The following FSIP1 variants were observed in gnomAD, a reference collection of about 807,000 sequenced individuals.
FSIP1 encodes fibrous sheath-interacting protein 1.
Under a neutral mutation model 60.9 loss-of-function variants are expected in FSIP1, and 65 were observed. The observed-to-expected ratio is 1.07, with a 90% CI of 0.87 to 1.31. The LOEUF is 1.31. Among genes scored for constraint, FSIP1 ranks in the 40% most tolerant of loss-of-function variants. The pLI is 0.00. For missense variants in FSIP1, 675 were observed against 665.5 expected (o/e 1.01, Z -0.16); for synonymous variants, 209 against 221.2 (o/e 0.94, Z 0.49).
chr15:39,777,795 A>G (rs764120879), intron 1 of FSIP1, among the ~76,000 whole-genome samples: 3 of 152,170 alleles, frequency 2.0e-5, no homozygotes, highest in Non-Finnish European at 4.4e-5. Context: ...TATACATTCA[A>G]CCATAACAGA....
At chr15:39,731,758 G>C (rs1415805892) in intron 8 of FSIP1, among the ~76,000 whole-genome samples, 1 of 152,140 alleles carries the variant, frequency 6.6e-6, no homozygotes, top group Non-Finnish European at 1.5e-5. Flanking sequence ...CCAGGGTTCA[G>C]GTAGGTAACT....
intron 3 of FSIP1, among the ~76,000 whole-genome samples, chr15:39,765,957 T>C (rs1897671527): frequency 6.6e-6 from 1 of 152,256 alleles, no homozygotes; most frequent in South Asian, 2.1e-4. Context: ...GACATTTATC[T>C]CTATTTTACA....
At chr15:39,725,060 A>G (rs1896136068) in intron 9 of FSIP1, among the ~76,000 whole-genome samples, 1 of 152,094 alleles carries the variant, frequency 6.6e-6, no homozygotes, top group African/African-American at 2.4e-5. Context: ...GTGAAACCCC[A>G]TCTCTACTAA....
intron 3 of FSIP1, 78 bp downstream of exon 3, chr15:39,770,345 TACTA>T (rs1897838036): frequency 9.4e-7 from 1 of 1,068,236 alleles, no homozygotes; most frequent in Admixed American, 2.7e-5. Context: ...ACACAGGTAA[TACTA>T]ACACCTTAAA....
intron 10 of FSIP1, among the ~76,000 whole-genome samples, chr15:39,685,974 T>C (rs186039265): frequency 1.3e-5 from 2 of 152,352 alleles, no homozygotes; most frequent in Admixed American, 1.3e-4. Context: ...TTTGCTGACA[T>C]AATTAGCTAA....
intron 9 of FSIP1, among the ~76,000 whole-genome samples, chr15:39,722,685 CT>C (rs1272316473): frequency 2.6e-5 from 4 of 152,160 alleles, no homozygotes; most frequent in Admixed American, 2.6e-4. Context: ...AATCTGGGCA[CT>C]TTGGGAGGTT....
intron 10 of FSIP1, among the ~76,000 whole-genome samples, chr15:39,639,855 A>T (rs1441855403): frequency 1.4e-4 from 21 of 152,220 alleles, no homozygotes; most frequent in Non-Finnish European, 2.9e-5. Context: ...AAATAAGCAG[A>T]GTAACTTAGT....
chr15:39,716,991 T>A (rs895742419), intron 9 of FSIP1, among the ~76,000 whole-genome samples: 2 of 151,892 alleles, frequency 1.3e-5, no homozygotes, highest in African/African-American at 4.8e-5. Context: ...ATTTTTGTAT[T>A]TTTAGTAGAG....
At chr15:39,709,193 A>G (rs1169473947) in intron 10 of FSIP1, among the ~76,000 whole-genome samples, 1 of 152,132 alleles carries the variant, frequency 6.6e-6, no homozygotes, top group Non-Finnish European at 1.5e-5. Context: ...TTCTTCTCCC[A>G]TCGCTAAAAC....
intron 10 of FSIP1, among the ~76,000 whole-genome samples, chr15:39,624,720 G>A (rs530698731): frequency 7.2e-5 from 11 of 152,128 alleles, no homozygotes; most frequent in Non-Finnish European, 1.6e-4. Context: ...CAGGTAGACT[G>A]CTCTTAAGAA....
intron 10 of FSIP1, among the ~76,000 whole-genome samples, chr15:39,699,044 G>A (rs1894946396): frequency 6.6e-6 from 1 of 152,180 alleles, no homozygotes; most frequent in South Asian, 2.1e-4. Context: ...GATGCCTCCT[G>A]AATGTTCAGG....
chr15:39,691,787 C>A (rs1205912566), intron 10 of FSIP1, among the ~76,000 whole-genome samples: 1 of 152,064 alleles, frequency 6.6e-6, no homozygotes, highest in Non-Finnish European at 1.5e-5. Context: ...ATTCTCTCAC[C>A]CTCTCTGAAG....
At chr15:39,625,003 G>C (rs1415465024) in intron 10 of FSIP1, among the ~76,000 whole-genome samples, 1 of 152,218 alleles carries the variant, frequency 6.6e-6, no homozygotes, top group Non-Finnish European at 1.5e-5. Flanking sequence ...AAACAGCTCT[G>C]AAGCGAGGTC....
intron 10 of FSIP1, among the ~76,000 whole-genome samples, chr15:39,688,587 T>C (rs1894475942): frequency 6.6e-6 from 1 of 152,190 alleles, no homozygotes; most frequent in Non-Finnish European, 1.5e-5. Context: ...GGACCATCTG[T>C]ACTATGATTT....
chr15:39,715,857 C>T (rs1895717921), intron 9 of FSIP1, among the ~76,000 whole-genome samples: 1 of 152,122 alleles, frequency 6.6e-6, no homozygotes, highest in African/African-American at 2.4e-5. Flanking sequence ...TAGCACCTCC[C>T]TCTTCTCTCT....
chr15:39,699,442 C>T (rs1176254479), intron 10 of FSIP1, among the ~76,000 whole-genome samples: 4 of 152,204 alleles, frequency 2.6e-5, no homozygotes, highest in African/African-American at 9.6e-5. Flanking sequence ...TGGATCATTT[C>T]ATTTTATTGA....
chr15:39,690,283 G>T (rs755076002), intron 10 of FSIP1, among the ~76,000 whole-genome samples: 1 of 152,176 alleles, frequency 6.6e-6, no homozygotes, highest in African/African-American at 2.4e-5. Context: ...TATCATATTT[G>T]CATTCTGGAA....
intron 10 of FSIP1, among the ~76,000 whole-genome samples, chr15:39,669,421 C>T (rs1004257707): frequency 7.2e-5 from 11 of 152,174 alleles, no homozygotes; most frequent in African/African-American, 2.7e-4. Context: ...CTAAAGAACC[C>T]AAACCATGAC....
At chr15:39,731,363 T>C (rs902851541) in intron 8 of FSIP1, among the ~76,000 whole-genome samples, 1 of 152,140 alleles carries the variant, frequency 6.6e-6, no homozygotes. Flanking sequence ...TCACAAACTC[T>C]GGTAATTTTT....
Sources: gnomAD v4.1 joint callset for allele counts (sites outside exome capture counted in the v4.1 genomes callset) on GRCh38, gnomAD v4.1.1 for gene constraint, MANE v1.5 for transcripts, NCBI Gene and HGNC (gene_info 2026-07-23, HGNC 2026-07-21) for gene names.